The following ASAP3 variants were observed in gnomAD, a reference collection of about 807,000 sequenced individuals.
ASAP3 encodes ArfGAP with SH3 domain, ankyrin repeat and PH domain 3.
ASAP3 carries 85 observed loss-of-function variants against 118.2 expected under a neutral mutation model. The observed-to-expected ratio is 0.72, with a 90% CI of 0.60 to 0.86. The LOEUF (loss-of-function observed/expected upper bound fraction) is 0.86, where lower values mean the gene tolerates loss of function less well. Among genes scored for constraint, ASAP3 ranks in the 40% least tolerant of loss-of-function variants. The probability of loss-of-function intolerance (pLI) is 0.00; values close to 1 mark genes in which losing one functional copy is unlikely to be tolerated. For synonymous variants in ASAP3, 432 were observed against 477.4 expected (o/e 0.90, Z 1.24); for missense variants, 1,026 against 1,175.0 (o/e 0.87, Z 1.85).
At chr1:23,435,576 A>G in intron 17 of ASAP3, 1 of 521,542 alleles carries the variant, frequency 1.9e-6, no homozygotes, top group Non-Finnish European at 3.5e-6. Flanking sequence ...TCACTTCATC[A>G]CCGTGGGTGC....
chr1:23,433,526 G>A lies in ASAP3; in HGVS notation c.2026C>T (p.Gln676Ter). 6.2e-7 allele frequency: 1 copy of A among 1,614,206 alleles called. No homozygotes were observed. Among genetic ancestry groups the A allele is most frequent in the East Asian group, 2.2e-5 (1 of 44,874 alleles). The change falls in exon 21 of 25, where the codon CAG becomes TAG. Residue 676 changes from glutamine (Q) to a stop codon, truncating the protein, a stop_gained. Coordinates refer to ENST00000336689, the MANE Select transcript of ASAP3 (RefSeq NM_017707.4). LOFTEE classifies it high-confidence loss of function. ...AAGGCAAAGGTCCCCGCCTGGGCCT[G>A]CTCCAGCTGCCAAAAACAAAGGCTT... Reference protein sequence around the residue: ...HHKECEELLEQAQAGTFAFPL... With the variant: ...HHKECEELLE
intron 1 of ASAP3, among the ~76,000 whole-genome samples, chr1:23,482,552 G>T (rs1642340733): frequency 6.6e-6 from 1 of 152,000 alleles, no homozygotes; most frequent in African/African-American, 2.4e-5. Flanking sequence ...TATATGCATT[G>T]TCTCATGTGA....
At chr1:23,442,785 G>A (rs1640919540) in intron 5 of ASAP3, 173 bp from the exon 6 acceptor site, 2 of 1,025,948 alleles carry the variant, frequency 1.9e-6, no homozygotes, top group Non-Finnish European at 2.7e-6. Flanking sequence ...AGAGTGGTGG[G>A]GGAGAAAGAC....
At position 23,442,427 on chromosome 1, in the gene ASAP3, T is replaced by A. The variant is rs532188508; in HGVS notation, c.585+74A>T. ...GTGGCCAGGACCTGAGCTGAGGCTGTGACTGGTCCCCTGGAGAGGCAGACA... is the reference window on the plus strand; with the variant it reads ...GTGGCCAGGACCTGAGCTGAGGCTGAGACTGGTCCCCTGGAGAGGCAGACA... On this transcript the variant is annotated intron_variant, in intron 6 of 24. Coordinates refer to ENST00000336689, the MANE Select transcript of ASAP3 (RefSeq NM_017707.4). The A allele has an allele frequency of 1.1e-4, 182 of 1,597,718 alleles. 1 individual carries two copies. The highest frequency in any genetic ancestry group is 1.5e-4 in the Non-Finnish European group (171 of 1,170,844).
chr1:23,478,326 A>T (rs1032383813), intron 1 of ASAP3, among the ~76,000 whole-genome samples: 4 of 152,152 alleles, frequency 2.6e-5, no homozygotes, highest in African/African-American at 9.7e-5. Flanking sequence ...TTAGCCAGGC[A>T]TGGTGGCGGG....
rs771597423 is a variant in ASAP3 at position 23,436,699 on chromosome 1, G to A, written c.1477-45C>T. ...GACGTGGGGCGGAGTAAGACCGGGCGGTTAAGCCTGCATAGGGTGGAGCTC... is the reference window on the plus strand; with the variant it reads ...GACGTGGGGCGGAGTAAGACCGGGCAGTTAAGCCTGCATAGGGTGGAGCTC... On this transcript the variant is annotated intron_variant, in intron 15 of 24. Coordinates refer to ENST00000336689, the MANE Select transcript of ASAP3 (RefSeq NM_017707.4). The surrounding 1 kb of genome is among the most constrained non-coding windows in gnomAD (Gnocchi z 4.2). 3.7e-6 allele frequency: 6 copies of A among 1,608,718 alleles called. No homozygotes were observed. Among genetic ancestry groups the A allele is most frequent in the South Asian group, 3.3e-5 (3 of 90,936 alleles).
intron 7 of ASAP3, 30 bp downstream of exon 7, chr1:23,442,156 T>G (rs1570349834): frequency 6.4e-7 from 1 of 1,573,004 alleles, no homozygotes; most frequent in Non-Finnish European, 8.6e-7. Context: ...ACTGGAAGGG[T>G]TAGTGGCAGG....
rs1293473654 is a variant in ASAP3 at position 23,441,167 on chromosome 1, G to A, written c.879C>T (p.His293=). 1.2e-6 allele frequency: 2 copies of A among 1,614,198 alleles called. No homozygotes were observed. The highest frequency in any genetic ancestry group is 2.2e-5 in the East Asian group (1 of 44,860). ...RKNSGCGYSI[H]QHQGNKQFGT... is the part of the protein sequence containing the mutation. ...CAAACTGCTTGTTGCCTTGGTGCTGGTGGATGCTATAGCCACATCCTGAGT... is the reference window on the plus strand; with the variant it reads ...CAAACTGCTTGTTGCCTTGGTGCTGATGGATGCTATAGCCACATCCTGAGT... The change falls in exon 10 of 25, where the codon CAC becomes CAT. Residue 293 remains histidine (H), a synonymous_variant. Coordinates refer to ENST00000336689, the MANE Select transcript of ASAP3 (RefSeq NM_017707.4).
At chr1:23,434,213 T>A (rs1640548490) in intron 19 of ASAP3, 41 bp downstream of exon 19, 1 of 1,597,356 alleles carries the variant, frequency 6.3e-7, no homozygotes, top group African/African-American at 1.3e-5. Flanking sequence ...TAAGGGGTAG[T>A]CAGGAATAGG....
chr1:23,438,631 G>A lies in ASAP3; in HGVS notation c.1102+116C>T, dbSNP rs979176829. The stretch of plus-strand genomic sequence containing the variant: ...CTTATGTCTGCAGTAGCAGCAATTC[G>A]ACACCATGTGTGGAACTGGACACAG... On this transcript the variant is annotated intron_variant, in intron 12 of 24. Transcript: ENST00000336689. The surrounding 1 kb of genome is among the most constrained non-coding windows in gnomAD (Gnocchi z 4.9). 1.8e-5 allele frequency: 15 copies of A among 824,532 alleles called. No individual in the cohort carries two copies. The Middle Eastern group carries it at 2.3e-3, about 128-fold the overall frequency. 51.1% of individuals were successfully genotyped at this position (824,532 alleles called of 1,614,324 possible).
At chr1:23,469,961 GT>G (rs1162985862) in intron 1 of ASAP3, among the ~76,000 whole-genome samples, 1 of 149,910 alleles carries the variant, frequency 6.7e-6, no homozygotes, top group Non-Finnish European at 1.5e-5. Flanking sequence ...TTGAGGTAAT[GT>G]TTTTTCTAAT....
At chr1:23,439,407 T>A (rs182464599) in intron 10 of ASAP3, among the ~76,000 whole-genome samples, 177 bp from the exon 11 acceptor site, 2 of 152,240 alleles carry the variant, frequency 1.3e-5, no homozygotes, top group Admixed American at 1.3e-4. Flanking sequence ...TCCCTTCTGA[T>A]GGAGGAGACA....
At chr1:23,448,250 G>A (rs1408306685) in intron 5 of ASAP3, among the ~76,000 whole-genome samples, 2 of 152,220 alleles carry the variant, frequency 1.3e-5, no homozygotes, top group Admixed American at 1.3e-4. Context: ...AGGCAGGAAA[G>A]TATTTAAATA....
intron 5 of ASAP3, among the ~76,000 whole-genome samples, chr1:23,450,999 C>T (rs1246693296): frequency 2.6e-5 from 4 of 152,212 alleles, no homozygotes; most frequent in Non-Finnish European, 5.9e-5. Flanking sequence ...ATTTCCTTCT[C>T]TAGATATACC....
At chr1:23,452,094 T>A (rs1641234083) in intron 4 of ASAP3, among the ~76,000 whole-genome samples, 1 of 152,212 alleles carries the variant, frequency 6.6e-6, no homozygotes, top group Admixed American at 6.5e-5. Context: ...CACACCCTTC[T>A]GAACAACCCC....
chr1:23,443,932 A>G lies in ASAP3; in HGVS notation c.474-1320T>C, dbSNP rs12562822. ...GAGATGGGGTTTCACCGTGTTAGCC[A>G]GGATGGTCTTGATCTCCTGACCTCA... On this transcript the variant is annotated intron_variant, in intron 5 of 24. Transcript: ENST00000336689. 6.1e-3 allele frequency among the ~76,000 whole-genome samples: 926 copies of G among 152,272 alleles called. 20 individuals are homozygous for G. Among genetic ancestry groups the G allele is most frequent in the East Asian group, 0.058 (303 of 5,188 alleles).
chr1:23,445,595 T>C (rs945309090), intron 5 of ASAP3, among the ~76,000 whole-genome samples: 2 of 151,852 alleles, frequency 1.3e-5, no homozygotes, highest in Non-Finnish European at 2.9e-5. Flanking sequence ...TAGTCAAAAA[T>C]GGAAAATAAG....
Position 23,436,170 on chromosome 1 carries a change from C to A in ASAP3, c.1572-142G>T. The A allele has an allele frequency of 1.1e-6, 1 of 944,194 alleles. No individual in the cohort carries two copies. The highest frequency in any genetic ancestry group is 2.5e-5 in the East Asian group (1 of 39,266). 58.5% of individuals were successfully genotyped at this position (944,194 alleles called of 1,614,324 possible). A position where few individuals can be genotyped will look rare whatever the true frequency, so the allele number is the denominator to read the frequency against. The stretch of plus-strand genomic sequence containing the variant: ...TCTAGATCTGAGGCTCCCCTCTCCC[C>A]AGGCTTTTTTTTTAGACAGTCTCAC... On this transcript the variant is annotated intron_variant, in intron 16 of 24. Transcript: ENST00000336689. The surrounding 1 kb of genome is among the most constrained non-coding windows in gnomAD (Gnocchi z 4.2).
In ASAP3 at chr1:23,436,628, G is replaced by A; in HGVS notation, c.1503C>T (p.Ser501=). The A allele has an allele frequency of 6.2e-7, 1 of 1,614,228 alleles. No individual in the cohort carries two copies. Among genetic ancestry groups the A allele is most frequent in the African/African-American group, 1.3e-5 (1 of 75,052 alleles). The part of the protein sequence containing the change: ...LLLALNMGNT[S]FNEVMEAQLP... Reference sequence around the variant, plus strand: ...GCTGGGCCTCCATGACCTCATTGAAGCTCGTGTTTCCCATGTTCAAGGCCA... The same window carrying A: ...GCTGGGCCTCCATGACCTCATTGAAACTCGTGTTTCCCATGTTCAAGGCCA... The change falls in exon 16 of 25, where the codon AGC becomes AGT. Residue 501 remains serine (S), a synonymous_variant. Transcript: ENST00000336689. This position sits in a 1 kb window ranked among gnomAD's most constrained non-coding sequence, Gnocchi z 4.2.
Sources: allele counts gnomAD v4.1 joint callset (sites outside exome capture counted in the v4.1 genomes callset), GRCh38; gene constraint gnomAD v4.1.1; non-coding constraint Gnocchi (gnomAD v3.1); transcripts MANE v1.5; gene names NCBI Gene and HGNC (gene_info 2026-07-23, HGNC 2026-07-21).